Variants in TSPAN9 observed in about 807,000 individuals in gnomAD.
The protein encoded by TSPAN9 is tetraspanin 9, also known as tetraspanin-9.
In TSPAN9, 16 loss-of-function variants were observed where a neutral mutation model predicts 31.0. That is an observed-to-expected ratio of 0.52 (90% confidence interval 0.35 to 0.78). TSPAN9 has a LOEUF of 0.78. Ranked by LOEUF, TSPAN9 falls within the 30% of genes least tolerant of loss-of-function variation. The pLI, the probability that TSPAN9 is intolerant of heterozygous loss-of-function variation, is 0.01. For missense variants in TSPAN9, 272 were observed against 312.5 expected, an observed-to-expected ratio of 0.87 and a Z score of 0.98; for synonymous variants, 145 against 121.6, an observed-to-expected ratio of 1.19 and a Z score of -1.27.
intron 3 of TSPAN9, among the ~76,000 whole-genome samples, chr12:3,204,442 G>A (rs975708202): frequency 7.9e-5 from 12 of 152,192 alleles, no homozygotes; most frequent in Admixed American, 3.3e-4. Context: ...GGCAGGTGGA[G>A]CCACACAGCC....
intron 3 of TSPAN9, among the ~76,000 whole-genome samples, chr12:3,244,733 G>T (rs572098729): frequency 5.3e-4 from 80 of 152,288 alleles, no homozygotes; most frequent in South Asian, 1.9e-3. Flanking sequence ...CGGGTAATGG[G>T]GAGAGGGTTT....
In TSPAN9 at chr12:3,269,049, C is replaced by T. The variant is rs781493343; in HGVS notation, c.64-9372C>T. ...GCAGCCTGCCCTCCCTGTGTTCCTG[C>T]AGCCTGCCCTCCGTGCGTTCCTGCA... On this transcript the variant is annotated intron_variant, in intron 3 of 8. Transcript: ENST00000011898. Among the ~76,000 whole-genome samples the T allele has an allele frequency of 7.9e-3, 651 of 82,422 alleles. 3 individuals are homozygous for T. Among genetic ancestry groups the T allele is most frequent in the Middle Eastern group, 0.024 (2 of 84 alleles). 54.1% of individuals were successfully genotyped at this position (82,422 alleles called of 152,430 possible).
intron 2 of TSPAN9, among the ~76,000 whole-genome samples, chr12:3,086,606 G>A (rs2335341): frequency 0.084 from 12,821 of 152,128 alleles, 1,630 homozygotes; most frequent in African/African-American, 0.28. Flanking sequence ...AGTGCCCCCT[G>A]AAATCCTCCC....
chr12:3,220,145 C>CAAAAAAAAAA lies in TSPAN9; in HGVS notation c.63+18894_63+18903dup, dbSNP rs55735802. Among the ~76,000 whole-genome samples the CAAAAAAAAAA allele has an allele frequency of 5.1e-5, 7 of 137,342 alleles. 1 individual carries two copies. The highest frequency in any genetic ancestry group is 1.7e-4 in the African/African-American group (6 of 34,820). The allele number at this position is 137,342 out of a possible 152,430, so 90.1% of individuals were successfully genotyped here. ...GGGTGACAAGAGCGAAACTCTGTCT[C>CAAAAAAAAAA]AAAAAAAAAAAAAAGGAATGAATCT... On this transcript the variant is annotated intron_variant, in intron 3 of 8. Transcript: ENST00000011898.
intron 2 of TSPAN9, among the ~76,000 whole-genome samples, chr12:3,094,920 G>A (rs1271796336): frequency 7.7e-6 from 1 of 130,618 alleles, no homozygotes; most frequent in Non-Finnish European, 1.6e-5. Flanking sequence ...TCTCACAGAG[G>A]GGGATTTGGC....
chr12:3,268,730 C>G (rs1164896068), intron 3 of TSPAN9, among the ~76,000 whole-genome samples: 11 of 81,406 alleles, frequency 1.4e-4, no homozygotes, highest in African/African-American at 2.5e-4. Context: ...CCTGCCCTCC[C>G]TGTGTTCCTG....
At chr12:3,235,264 AT>A (rs2098393177) in intron 3 of TSPAN9, among the ~76,000 whole-genome samples, 1 of 91,446 alleles carries the variant, frequency 1.1e-5, no homozygotes, top group Non-Finnish European at 2.1e-5. Flanking sequence ...ATATATATAT[AT>A]ATATATGTAA....
At position 3,192,253 on chromosome 12, in the gene TSPAN9, C is replaced by T. The variant is rs2153972133; in HGVS notation, c.-17-8924C>T. Among the ~76,000 whole-genome samples the T allele has an allele frequency of 6.6e-6, 1 of 152,268 alleles. No individual in the cohort carries two copies. The highest frequency in any genetic ancestry group is 2.4e-5 in the African/African-American group (1 of 41,552). On this transcript the variant is annotated intron_variant, in intron 2 of 8. Transcript: ENST00000011898. This position sits in a 1 kb window ranked among gnomAD's most constrained non-coding sequence, Gnocchi z 4.6. ...ATTGTAATCCAAGTAAGATGGGAAG[C>T]CACTGATGAGGTTACAGTGGAGAGG...
chr12:3,241,390 A>C (rs1332675536), intron 3 of TSPAN9, among the ~76,000 whole-genome samples: 1 of 152,242 alleles, frequency 6.6e-6, no homozygotes, highest in Non-Finnish European at 1.5e-5. Flanking sequence ...GAACATACAT[A>C]CTGTAAAGTT....
chr12:3,252,922 A>G (rs750269940), intron 3 of TSPAN9, among the ~76,000 whole-genome samples: 8 of 152,144 alleles, frequency 5.3e-5, no homozygotes, highest in Non-Finnish European at 1.0e-4. Flanking sequence ...GCAGTCTGGA[A>G]GAAGGTTTTC....
intron 3 of TSPAN9, among the ~76,000 whole-genome samples, chr12:3,214,632 GGCCACA>G (rs2098380396): frequency 6.6e-6 from 1 of 151,242 alleles, no homozygotes; most frequent in Non-Finnish European, 1.5e-5. Context: ...CAGGAGATGG[GGCCACA>G]GCCACAGCAG....
chr12:3,265,957 A>AG (rs1402471078), intron 3 of TSPAN9, among the ~76,000 whole-genome samples: 2 of 152,166 alleles, frequency 1.3e-5, no homozygotes, highest in African/African-American at 2.4e-5. Flanking sequence ...ATTTGTGGAA[A>AG]GGGTGGGACT....
At chr12:3,098,129 GC>G (rs1300785424) in intron 2 of TSPAN9, among the ~76,000 whole-genome samples, 1 of 152,214 alleles carries the variant, frequency 6.6e-6, no homozygotes, top group African/African-American at 2.4e-5. Flanking sequence ...AGGAGTCAGG[GC>G]CCCCAGCTGG....
At chr12:3,109,155 C>A (rs747349766) in intron 2 of TSPAN9, among the ~76,000 whole-genome samples, 3 of 151,856 alleles carry the variant, frequency 2.0e-5, no homozygotes, top group African/African-American at 7.3e-5. Flanking sequence ...CCAGGATGGT[C>A]TCGATCTCCT....
chr12:3,110,049 C>A (rs2098317620), intron 2 of TSPAN9, among the ~76,000 whole-genome samples: 1 of 152,098 alleles, frequency 6.6e-6, no homozygotes, highest in African/African-American at 2.4e-5. Context: ...AAGAATCAGT[C>A]CCACTCCCCA....
intron 1 of TSPAN9, among the ~76,000 whole-genome samples, chr12:3,078,652 A>G (rs12306236): frequency 1.0e-3 from 157 of 152,268 alleles, no homozygotes; most frequent in African/African-American, 3.5e-3. Flanking sequence ...TGGTCCTGGC[A>G]TGGCTGATGC....
chr12:3,216,589 C>T (rs564081402), intron 3 of TSPAN9, among the ~76,000 whole-genome samples: 1 of 152,352 alleles, frequency 6.6e-6, no homozygotes, highest in South Asian at 2.1e-4. Flanking sequence ...GCCTGGTGTC[C>T]AGGTCCCACT....
intron 2 of TSPAN9, among the ~76,000 whole-genome samples, chr12:3,141,432 G>A (rs189592065): frequency 6.6e-6 from 1 of 152,226 alleles, no homozygotes; most frequent in East Asian, 1.9e-4. Flanking sequence ...TGATGCCCTG[G>A]TCTCTGCCAG....
At chr12:3,232,258 T>C (rs1223267376) in intron 3 of TSPAN9, among the ~76,000 whole-genome samples, 1 of 151,340 alleles carries the variant, frequency 6.6e-6, no homozygotes, top group Admixed American at 6.6e-5. Context: ...TCTTGATCGC[T>C]GGCTTCTGTT....
Sources: gnomAD v4.1 joint callset for allele counts (sites outside exome capture counted in the v4.1 genomes callset) on GRCh38, gnomAD v4.1.1 for gene constraint, Gnocchi (gnomAD v3.1) non-coding constraint, MANE v1.5 for transcripts, NCBI Gene and HGNC (gene_info 2026-07-23, HGNC 2026-07-21) for gene names.